Variants in PPP1R12A observed in about 807,000 individuals in gnomAD.
PPP1R12A encodes the protein protein phosphatase 1 regulatory subunit 12A.
In PPP1R12A, 19 loss-of-function variants were observed where a neutral mutation model predicts 139.6. That is an observed-to-expected ratio of 0.14 (90% CI 0.09 to 0.20). The LOEUF is 0.20. PPP1R12A is among the 10% of genes least tolerant of loss of function. The pLI is 1.00. For synonymous variants in PPP1R12A, 427 were observed against 420.6 expected, an observed-to-expected ratio of 1.02 and a Z score of -0.19; for missense variants, 925 against 1,211.5, an observed-to-expected ratio of 0.76 and a Z score of 3.51.
At chr12:79,903,326 C>G (rs1470079187) in intron 1 of PPP1R12A, among the ~76,000 whole-genome samples, 1 of 151,890 alleles carries the variant, frequency 6.6e-6, no homozygotes, top group East Asian at 1.9e-4. Context: ...TGGCATGTGC[C>G]TGTAATCCCA....
chr12:79,785,343 A>G (rs1271659209), intron 22 of PPP1R12A, among the ~76,000 whole-genome samples: 5 of 152,206 alleles, frequency 3.3e-5, no homozygotes, highest in African/African-American at 9.7e-5. Context: ...CCGTGCACAG[A>G]CAATCGCTTT....
intron 3 of PPP1R12A, among the ~76,000 whole-genome samples, chr12:79,842,021 T>A (rs904609049): frequency 3.3e-5 from 5 of 152,046 alleles, no homozygotes; most frequent in African/African-American, 1.2e-4. Flanking sequence ...GTTTTTTTTT[T>A]AAACAAACCC....
intron 19 of PPP1R12A, 21 bp downstream of exon 19, chr12:79,793,842 A>G (rs1281159376): frequency 2.6e-6 from 4 of 1,529,014 alleles, no homozygotes; most frequent in Non-Finnish European, 3.6e-6. Flanking sequence ...ACTTCTCAAT[A>G]CAAAAAGTAA....
intron 5 of PPP1R12A, chr12:79,823,650 CTGGCACGATCG>C (rs1876412101): frequency 6.7e-6 from 1 of 148,706 alleles, no homozygotes; most frequent in African/African-American, 2.5e-5. Flanking sequence ...TTGGAGTGCA[CTGGCACGATCG>C]TGGCTCACTG....
chr12:79,798,428 AGT>A lies in PPP1R12A; in HGVS notation c.2091+64_2091+65del, dbSNP rs147100546. The A allele has an allele frequency of 1.2e-3, 1,256 of 1,008,302 alleles. 8 individuals carry two copies. The African/African-American group carries it at 0.018, about 15-fold the overall frequency. 62.5% of individuals were successfully genotyped at this position (1,008,302 alleles called of 1,614,324 possible). A position where few individuals can be genotyped will look rare whatever the true frequency, so the allele number is the denominator to read the frequency against. On this transcript the variant is annotated intron_variant, in intron 15 of 24. Coordinates refer to ENST00000450142, the MANE Select transcript of PPP1R12A (RefSeq NM_002480.3). ...AGAGAAAGGTAACTTGTTTTATGTC[AGT>A]GTGTGTATATATATTTTATATGCTA...
intron 22 of PPP1R12A, among the ~76,000 whole-genome samples, chr12:79,785,352 T>G (rs371060304): frequency 3.9e-5 from 6 of 152,322 alleles, no homozygotes; most frequent in African/African-American, 1.4e-4. Flanking sequence ...GACAATCGCT[T>G]TACAACACAA....
At chr12:79,869,045 T>C (rs984957834) in intron 2 of PPP1R12A, among the ~76,000 whole-genome samples, 1 of 152,240 alleles carries the variant, frequency 6.6e-6, no homozygotes, top group Non-Finnish European at 1.5e-5. Flanking sequence ...TCACTTCATT[T>C]ATTTGTCCTC....
At chr12:79,873,615 G>A (rs1230154061) in intron 1 of PPP1R12A, among the ~76,000 whole-genome samples, 1 of 151,724 alleles carries the variant, frequency 6.6e-6, no homozygotes, top group East Asian at 1.9e-4. Context: ...AATGAACTAT[G>A]ATCACACCAC....
At chr12:79,837,095 TTC>T (rs1404315019) in intron 3 of PPP1R12A, among the ~76,000 whole-genome samples, 1 of 152,210 alleles carries the variant, frequency 6.6e-6, no homozygotes, top group East Asian at 1.9e-4. Context: ...TTTTCTTGAT[TTC>T]TGTTTTAAAA....
In PPP1R12A at chr12:79,917,501, AAAAAG is replaced by A. The variant is rs1374400736; in HGVS notation, c.237+17189_237+17193del. Among the ~76,000 whole-genome samples the A allele has an allele frequency of 2.3e-3, 348 of 151,632 alleles. 2 individuals carry two copies. Among genetic ancestry groups the A allele is most frequent in the African/African-American group, 8.1e-3 (336 of 41,352 alleles). ...TCTGTCTCAAAAAAAAAAAAAAAAA[AAAAAG>A]AGTTTAATATATAACAATTATGTCC... On this transcript the variant is annotated intron_variant, in intron 1 of 24. Transcript: ENST00000450142.
At chr12:79,923,975 C>T (rs185047928) in intron 1 of PPP1R12A, among the ~76,000 whole-genome samples, 3 of 152,068 alleles carry the variant, frequency 2.0e-5, no homozygotes, top group East Asian at 1.9e-4. Context: ...ACCTGGGAGG[C>T]GGCGTTTGCA....
intron 9 of PPP1R12A, among the ~76,000 whole-genome samples, chr12:79,817,062 TA>T (rs1477661412): frequency 6.7e-6 from 1 of 149,470 alleles, no homozygotes; most frequent in Non-Finnish European, 1.5e-5. Context: ...CTTCTCAAAA[TA>T]AAAGTTCAAT....
At chr12:79,875,434 T>C (rs1016759671) in intron 1 of PPP1R12A, among the ~76,000 whole-genome samples, 5 of 152,224 alleles carry the variant, frequency 3.3e-5, no homozygotes, top group Non-Finnish European at 7.3e-5. Flanking sequence ...AAGCCACTAT[T>C]TGCCCAGAGG....
At chr12:79,839,370 G>T (rs1354408751) in intron 3 of PPP1R12A, among the ~76,000 whole-genome samples, 1 of 152,094 alleles carries the variant, frequency 6.6e-6, no homozygotes, top group Non-Finnish European at 1.5e-5. Flanking sequence ...GGACTTTTGG[G>T]TTAATGTTGG....
chr12:79,845,246 A>C (rs569146463), intron 3 of PPP1R12A, 56 bp downstream of exon 3: 1 of 1,324,562 alleles, frequency 7.5e-7, no homozygotes, highest in South Asian at 1.3e-5. Flanking sequence ...TTTTTGCTGG[A>C]AAAGTATCAC....
intron 1 of PPP1R12A, among the ~76,000 whole-genome samples, chr12:79,896,019 A>C (rs1885098926): frequency 7.1e-6 from 1 of 140,328 alleles, no homozygotes; most frequent in Non-Finnish European, 1.5e-5. Flanking sequence ...TTTTTAAAAG[A>C]GGAGTAGTAT....
chr12:79,881,837 T>C (rs930750304), intron 1 of PPP1R12A, among the ~76,000 whole-genome samples: 1 of 152,186 alleles, frequency 6.6e-6, no homozygotes. Flanking sequence ...GACCTTAAGT[T>C]TGAAGCCAGT....
intron 14 of PPP1R12A, among the ~76,000 whole-genome samples, chr12:79,801,280 G>A (rs1249185824): frequency 7.6e-6 from 1 of 131,938 alleles, no homozygotes; most frequent in Non-Finnish European, 1.6e-5. Context: ...GGGAGGTGGA[G>A]ATTGCAGTGA....
In PPP1R12A at chr12:79,828,477, C is replaced by T. The variant is rs769802527; in HGVS notation, c.648-13G>A. The T allele has an allele frequency of 5.1e-6, 8 of 1,567,398 alleles. No individual in the cohort carries two copies. Among genetic ancestry groups the T allele is most frequent in the Non-Finnish European group, 7.0e-6 (8 of 1,146,054 alleles). On this transcript the variant is annotated splice_polypyrimidine_tract_variant and intron_variant, in intron 4 of 24. Transcript: ENST00000450142. ...CTGTATTAAAAGTCTAAAGAAATTA[C>T]AGTGAATTAGACAATCATTAAAATC...
Sources: allele counts gnomAD v4.1 joint callset (sites outside exome capture counted in the v4.1 genomes callset), GRCh38; gene constraint gnomAD v4.1.1; transcripts MANE v1.5; gene names NCBI Gene and HGNC (gene_info 2026-07-23, HGNC 2026-07-21).